Variants in GPR174 observed in about 807,000 individuals in gnomAD.
The protein encoded by GPR174 is G protein-coupled receptor 174, also known as probable G protein-coupled receptor 174.
A neutral mutation model predicts 16.5 loss-of-function variants in GPR174; 8 were observed. The observed-to-expected ratio is 0.48, with a 90% CI of 0.28 to 0.87. GPR174 has a LOEUF of 0.87. Among genes scored for constraint, GPR174 ranks in the 40% least tolerant of loss-of-function variants. The probability of loss-of-function intolerance (pLI) is 0.09; values close to 1 mark genes in which losing one functional copy is unlikely to be tolerated. For missense variants in GPR174, 214 were observed against 247.5 expected, an observed-to-expected ratio of 0.86 and a Z score of 0.91; for synonymous variants, 111 against 94.8, an observed-to-expected ratio of 1.17 and a Z score of -0.99.
chrX:79,170,913 C>A lies in GPR174; in HGVS notation c.-95C>A. The A allele has an allele frequency of 1.3e-6, 1 of 751,699 alleles. No homozygotes were observed. The highest frequency in any genetic ancestry group is 2.0e-6 in the Non-Finnish European group (1 of 512,431). 61.9% of individuals were successfully genotyped at this position (751,699 alleles called of 1,213,427 possible). Reference sequence around the variant, plus strand: ...GTTATTTTATACTTCGTATCTCCAACCCACTGGCAATCAATCTTTTGGAAG... The same window carrying A: ...GTTATTTTATACTTCGTATCTCCAAACCACTGGCAATCAATCTTTTGGAAG... On this transcript the variant is annotated 5_prime_UTR_variant, in exon 3 of 3. Transcript: ENST00000645147.
At chrX:79,146,599 G>C (rs937221743) in intron 1 of GPR174, among the ~76,000 whole-genome samples, 1 of 112,416 alleles carries the variant, frequency 8.9e-6, no homozygotes, top group African/African-American at 3.2e-5. Flanking sequence ...GTGAACACAT[G>C]TACTGCTTTG....
At chrX:79,155,362 C>T (rs1921072035) in intron 1 of GPR174, among the ~76,000 whole-genome samples, 1 of 111,348 alleles carries the variant, frequency 9.0e-6, no homozygotes, top group African/African-American at 3.3e-5. Context: ...TCTACTTGGT[C>T]TGTTTCTCCC....
At chrX:79,148,143 G>GT (rs1602334852) in intron 1 of GPR174, among the ~76,000 whole-genome samples, 1 of 111,849 alleles carries the variant, frequency 8.9e-6, no homozygotes, top group Admixed American at 9.5e-5. Flanking sequence ...ATCAGGTTCA[G>GT]TTATGTGGGT....
chrX:79,168,878 G>A (rs67187173), intron 2 of GPR174, among the ~76,000 whole-genome samples: 21,598 of 110,442 alleles, frequency 0.2, 1,792 homozygotes, highest in African/African-American at 0.3. Flanking sequence ...CATATAGTAG[G>A]TCTCAGCAAA....
chrX:79,170,835 A>C lies in GPR174; in HGVS notation c.-173A>C. 4 of 444,125 alleles carry C rather than the reference A, an allele frequency of 9.0e-6. No individual in the cohort carries two copies. 36.6% of individuals were successfully genotyped at this position (444,125 alleles called of 1,213,427 possible). ...ATCAAAAATGCAGATCATTCTTTGA[A>C]AAATCCCCAAATCATACGTAGAGAC... On this transcript the variant is annotated 5_prime_UTR_variant, in exon 3 of 3. Coordinates refer to ENST00000645147, the MANE Select transcript of GPR174 (RefSeq NM_032553.3).
intron 1 of GPR174, among the ~76,000 whole-genome samples, chrX:79,145,844 A>G (rs1926490256): frequency 8.9e-6 from 1 of 111,855 alleles, no homozygotes; most frequent in Non-Finnish European, 1.9e-5. Context: ...CTTGTTTATA[A>G]TGAGAGAAAG....
intron 2 of GPR174, among the ~76,000 whole-genome samples, chrX:79,163,169 A>G (rs1921275465): frequency 8.9e-6 from 1 of 112,086 alleles, no homozygotes; most frequent in African/African-American, 3.2e-5. Flanking sequence ...ACTTAATAAG[A>G]TAATTCAACC....
chrX:79,167,819 C>G (rs1039754672), intron 2 of GPR174, among the ~76,000 whole-genome samples: 2 of 112,184 alleles, frequency 1.8e-5, no homozygotes, highest in African/African-American at 6.5e-5. Context: ...ACAATAACTG[C>G]ATTGTCTGTC....
In GPR174 at chrX:79,171,945, A is replaced by T. The variant is rs1159708466; in HGVS notation, c.938A>T (p.Gln313Leu). ...AGACAAGATTTGCATGACAGCATCC[A>T]ACTCCATGCAAAATCCTTTGTGAGT... Reference protein sequence around the residue: ...LSRQDLHDSIQLHAKSFVSNH... With the variant: ...LSRQDLHDSILLHAKSFVSNH... The change falls in exon 3 of 3, where the codon CAA becomes CTA. Residue 313 changes from glutamine to leucine, a missense_variant. Transcript: ENST00000645147. 8 of 1,208,597 alleles carry T rather than the reference A, an allele frequency of 6.6e-6. No homozygotes were observed. In the South Asian group the frequency reaches 1.4e-4, roughly 22 times the overall value.
intron 2 of GPR174, among the ~76,000 whole-genome samples, chrX:79,162,647 A>C (rs368014414): frequency 1.9e-4 from 21 of 112,212 alleles, no homozygotes; most frequent in African/African-American, 6.2e-4. Context: ...TGTTTCTTAT[A>C]GATTTACTAA....
chrX:79,153,719 T>A (rs1274814965), intron 1 of GPR174, among the ~76,000 whole-genome samples: 1 of 111,873 alleles, frequency 8.9e-6, no homozygotes, highest in Non-Finnish European at 1.9e-5. Flanking sequence ...ATTTAGATAG[T>A]CTGACCATAT....
chrX:79,158,724 G>T (rs1921161431), intron 2 of GPR174, among the ~76,000 whole-genome samples: 1 of 105,745 alleles, frequency 9.5e-6, no homozygotes, highest in Non-Finnish European at 1.9e-5. Context: ...TTACAGGTGT[G>T]AGCCACCGCA....
At chrX:79,153,575 T>C (rs1921028219) in intron 1 of GPR174, among the ~76,000 whole-genome samples, 1 of 111,569 alleles carries the variant, frequency 9.0e-6, no homozygotes, top group African/African-American at 3.3e-5. Flanking sequence ...TAGGTTGTGG[T>C]TTCTTCTGCA....
At chrX:79,159,763 T>C (rs941627012) in intron 2 of GPR174, among the ~76,000 whole-genome samples, 2 of 112,157 alleles carry the variant, frequency 1.8e-5, no homozygotes, top group Non-Finnish European at 3.8e-5. Context: ...TATGAATAAA[T>C]GCATATGGCA....
chrX:79,162,427 A>G (rs1415855474), intron 2 of GPR174, among the ~76,000 whole-genome samples: 1 of 112,324 alleles, frequency 8.9e-6, no homozygotes, highest in African/African-American at 3.2e-5. Context: ...GGTTTTAAAA[A>G]AAGTGTCTTT....
intron 2 of GPR174, among the ~76,000 whole-genome samples, chrX:79,157,949 C>T (rs192418280): frequency 7.6e-4 from 83 of 109,152 alleles, no homozygotes; most frequent in Admixed American, 2.3e-3. Flanking sequence ...TGTTATACTT[C>T]GGACCAGGAG....
At position 79,174,508 on chromosome X, in the gene GPR174, C is replaced by A. The variant is rs760952889; in HGVS notation, c.*2499C>A. On this transcript the variant is annotated 3_prime_UTR_variant, in exon 3 of 3. Transcript: ENST00000645147. ...GAGGGCTAATACATACTGAAGCAGA[C>A]AGACTGGAGGGAAAGAAATTTTGGA... 3 of 109,355 alleles carry A rather than the reference C, an allele frequency of 2.7e-5. No homozygotes were observed. The East Asian group carries it at 8.7e-4, about 32-fold the overall frequency. The allele number at this position is 109,355 out of a possible 1,213,427, so 9.0% of individuals were successfully genotyped here.
intron 1 of GPR174, among the ~76,000 whole-genome samples, chrX:79,148,914 C>A (rs1020672899): frequency 1.8e-5 from 2 of 111,973 alleles, no homozygotes; most frequent in African/African-American, 3.2e-5. Flanking sequence ...TTAGGTAATA[C>A]TGATGACCTA....
chrX:79,154,734 C>T (rs1921056492), intron 1 of GPR174, among the ~76,000 whole-genome samples: 3 of 110,606 alleles, frequency 2.7e-5, no homozygotes, highest in African/African-American at 6.6e-5. Flanking sequence ...GATGAAATAC[C>T]GAGGTCAAGA....
Sources: gnomAD v4.1 joint callset for allele counts (sites outside exome capture counted in the v4.1 genomes callset) on GRCh38, gnomAD v4.1.1 for gene constraint, MANE v1.5 for transcripts, NCBI Gene and HGNC (gene_info 2026-07-23, HGNC 2026-07-21) for gene names.